SLC35G2: variants seen among roughly 807,000 people sequenced by gnomAD.
The protein encoded by SLC35G2 is transmembrane protein 22.
SLC35G2 carries 20 observed loss-of-function variants against 27.2 expected under a neutral mutation model. The ratio of observed to expected loss-of-function variants is 0.74; its 90% CI spans 0.52 to 1.07. The LOEUF (loss-of-function observed/expected upper bound fraction) is 1.07. Among genes scored for constraint, SLC35G2 ranks in the 50% least tolerant of loss-of-function variants. SLC35G2 has a pLI of 0.00. For missense variants in SLC35G2, 416 were observed against 493.3 expected (o/e 0.84, Z 1.48); for synonymous variants, 148 against 165.3 (o/e 0.90, Z 0.80).
intron 1 of SLC35G2, among the ~76,000 whole-genome samples, chr3:136,845,545 G>T (rs370168825): frequency 2.6e-5 from 4 of 152,176 alleles, no homozygotes; most frequent in Admixed American, 6.5e-5. Context: ...TTCTCTAGTG[G>T]TTTAAAGCAG....
intron 1 of SLC35G2, among the ~76,000 whole-genome samples, chr3:136,834,415 C>T (rs1041773811): frequency 6.6e-6 from 1 of 152,116 alleles, no homozygotes; most frequent in African/African-American, 2.4e-5. Flanking sequence ...CTTACTGCAA[C>T]CTCTGCCTCC....
At chr3:136,853,993 T>G (rs1937821919) in intron 1 of SLC35G2, among the ~76,000 whole-genome samples, 1 of 152,216 alleles carries the variant, frequency 6.6e-6, no homozygotes, top group South Asian at 2.1e-4. Context: ...TAAGGTGAAT[T>G]CTGGTATTAT....
intron 1 of SLC35G2, chr3:136,839,005 A>G (rs1936983013): frequency 6.6e-6 from 1 of 152,184 alleles, no homozygotes; most frequent in African/African-American, 2.4e-5. Flanking sequence ...AGAAAAGATC[A>G]TTTTATTCCT....
chr3:136,826,574 G>A lies in SLC35G2; in HGVS notation c.-19+6946G>A, dbSNP rs553997510. 2.1e-4 allele frequency among the ~76,000 whole-genome samples: 32 copies of A among 152,150 alleles called. No homozygotes were observed. In the South Asian group the frequency reaches 5.6e-3, roughly 27 times the overall value. On this transcript the variant is annotated intron_variant, in intron 1 of 1. Coordinates refer to ENST00000446465, the MANE Select transcript of SLC35G2 (RefSeq NM_025246.3). ...TGGCATATAGTTGCTCATAGTAGCC[G>A]CAAATGATCCTTTGAATTTCTGTGG...
In SLC35G2 at chr3:136,853,636, G is replaced by A. The variant is rs928226572; in HGVS notation, c.-18-807G>A. 3.3e-5 allele frequency among the ~76,000 whole-genome samples: 5 copies of A among 152,208 alleles called. No individual in the cohort carries two copies. In the South Asian group the frequency reaches 1.0e-3, roughly 32 times the overall value. ...TCCATTCTTGTTCCTCCTGTCACCT[G>A]AACCACCATTAGTTTTCTTGGCATC... On this transcript the variant is annotated intron_variant, in intron 1 of 1. Transcript: ENST00000446465.
At chr3:136,826,102 T>A (rs973777589) in intron 1 of SLC35G2, among the ~76,000 whole-genome samples, 1 of 151,864 alleles carries the variant, frequency 6.6e-6, no homozygotes, top group Admixed American at 6.6e-5. Flanking sequence ...AGTGGCGCGA[T>A]CTTGGCTCAC....
chr3:136,851,949 A>G (rs915770266), intron 1 of SLC35G2, among the ~76,000 whole-genome samples: 1 of 152,344 alleles, frequency 6.6e-6, no homozygotes, highest in African/African-American at 2.4e-5. Flanking sequence ...TGGAGGAGAA[A>G]GGGAAAAACA....
chr3:136,851,808 A>G (rs1313935700), intron 1 of SLC35G2, among the ~76,000 whole-genome samples: 1 of 152,180 alleles, frequency 6.6e-6, no homozygotes, highest in Admixed American at 6.5e-5. Context: ...AGGAAGAGCA[A>G]TGTGACAGTG....
chr3:136,820,693 C>A (rs1404667675), intron 1 of SLC35G2, among the ~76,000 whole-genome samples: 1 of 152,200 alleles, frequency 6.6e-6, no homozygotes, highest in Non-Finnish European at 1.5e-5. Context: ...ACAAGCCACA[C>A]ATTTTTTAGA....
At chr3:136,822,039 A>G (rs1303865249) in intron 1 of SLC35G2, among the ~76,000 whole-genome samples, 1 of 152,148 alleles carries the variant, frequency 6.6e-6, no homozygotes, top group Non-Finnish European at 1.5e-5. Flanking sequence ...TAGGGATGCA[A>G]CATGTTTAAT....
At chr3:136,831,144 G>T (rs971141119) in intron 1 of SLC35G2, among the ~76,000 whole-genome samples, 1 of 152,216 alleles carries the variant, frequency 6.6e-6, no homozygotes, top group Non-Finnish European at 1.5e-5. Context: ...GTAAATGGGA[G>T]TGAAGACCCT....
chr3:136,851,087 ATTAGG>A (rs993621857), intron 1 of SLC35G2, among the ~76,000 whole-genome samples: 2 of 152,344 alleles, frequency 1.3e-5, no homozygotes, highest in African/African-American at 4.8e-5. Flanking sequence ...ATTACAAAAT[ATTAGG>A]TTAGAAGTAC....
At chr3:136,821,042 T>C (rs868808788) in intron 1 of SLC35G2, among the ~76,000 whole-genome samples, 2 of 152,164 alleles carry the variant, frequency 1.3e-5, no homozygotes, top group Middle Eastern at 3.2e-3. Context: ...TTAAATATAT[T>C]GGTGGTATGT....
At position 136,855,195 on chromosome 3, in the gene SLC35G2, C is replaced by G. The variant is rs574752739; in HGVS notation, c.735C>G (p.Asp245Glu). The G allele has an allele frequency of 1.7e-4, 273 of 1,614,144 alleles. 7 individuals carry two copies. In the South Asian group the frequency reaches 2.1e-3, roughly 13 times the overall value. Reference sequence around the variant, plus strand: ...TGATCCCAAACATTGTTGATGAAGACAATTCTTTGTTAAATGCCTGGAAAG... The same window carrying G: ...TGATCCCAAACATTGTTGATGAAGAGAATTCTTTGTTAAATGCCTGGAAAG... ...LVMIPNIVDE[D>E]NSLLNAWKEA... Residue 245 changes from aspartate (D) to glutamate (E), a missense_variant, in exon 2 of 2, where the codon GAC becomes GAG. By Grantham distance (45) the Asp-to-Glu change is conservative. Transcript: ENST00000446465.
At chr3:136,842,618 C>A (rs1241586363) in intron 1 of SLC35G2, 1 of 152,166 alleles carries the variant, frequency 6.6e-6, no homozygotes, top group African/African-American at 2.4e-5. Flanking sequence ...GGGGCCAGGA[C>A]AGAAATGGTA....
At chr3:136,844,461 C>T (rs1376129985) in intron 1 of SLC35G2, among the ~76,000 whole-genome samples, 1 of 149,510 alleles carries the variant, frequency 6.7e-6, no homozygotes, top group African/African-American at 2.5e-5. Context: ...TGTACTCCAG[C>T]CTGGGAGACA....
chr3:136,844,014 G>C (rs1937235192), intron 1 of SLC35G2, among the ~76,000 whole-genome samples: 2 of 152,160 alleles, frequency 1.3e-5, no homozygotes, highest in South Asian at 4.1e-4. Flanking sequence ...CCTAGATGAA[G>C]GTTTGAGTAG....
At chr3:136,838,246 C>CATATATAT (rs6148084) in intron 1 of SLC35G2, 55 of 141,002 alleles carry the variant, frequency 3.9e-4, no homozygotes, top group African/African-American at 1.4e-3. Context: ...GTAGCATATA[C>CATATATAT]ATATATATAT....
At chr3:136,853,834 C>G (rs1031032924) in intron 1 of SLC35G2, among the ~76,000 whole-genome samples, 3 of 152,072 alleles carry the variant, frequency 2.0e-5, no homozygotes, top group African/African-American at 7.2e-5. Context: ...TCCAACTGTT[C>G]ACGAGAGAGG....
Sources: allele counts gnomAD v4.1 joint callset (sites outside exome capture counted in the v4.1 genomes callset), GRCh38; gene constraint gnomAD v4.1.1; transcripts MANE v1.5; gene names NCBI Gene and HGNC (gene_info 2026-07-23, HGNC 2026-07-21).